MAST4: variants seen among roughly 807,000 people sequenced by gnomAD.
The protein encoded by MAST4 is microtubule-associated serine/threonine-protein kinase 4.
MAST4 carries 89 observed loss-of-function variants against 162.7 expected under a neutral mutation model. The ratio of observed to expected loss-of-function variants is 0.55; its 90% confidence interval spans 0.46 to 0.65. The LOEUF is 0.65. MAST4 is among the 30% of genes least tolerant of loss of function. The pLI is 0.00. For missense variants in MAST4, 3,153 were observed against 3,374.0 expected (o/e 0.93, Z 1.62); for synonymous variants, 1,479 against 1,361.1 (o/e 1.09, Z -1.91).
At chr5:66,614,738 C>T (rs946834683) in intron 1 of MAST4, among the ~76,000 whole-genome samples, 1 of 152,174 alleles carries the variant, frequency 6.6e-6, no homozygotes, top group African/African-American at 2.4e-5. Context: ...TCCTACACCT[C>T]CCAACGTGAT....
At chr5:66,891,080 G>A (rs1392267174) in intron 3 of MAST4, among the ~76,000 whole-genome samples, 3 of 152,136 alleles carry the variant, frequency 2.0e-5, no homozygotes, top group Non-Finnish European at 4.4e-5. Context: ...TTTACAGTTT[G>A]TCTCATATTC....
intron 3 of MAST4, among the ~76,000 whole-genome samples, chr5:66,811,505 G>A (rs1756478281): frequency 6.6e-6 from 1 of 152,130 alleles, no homozygotes; most frequent in African/African-American, 2.4e-5. Context: ...CCCCTTCTTT[G>A]CCACTTTTCT....
At chr5:67,042,886 T>G (rs1415140354) in intron 4 of MAST4, among the ~76,000 whole-genome samples, 1 of 152,218 alleles carries the variant, frequency 6.6e-6, no homozygotes, top group African/African-American at 2.4e-5. Context: ...TTTCTTATAT[T>G]TGTATGTTTG....
chr5:67,082,125 C>A (rs945369173), intron 5 of MAST4, among the ~76,000 whole-genome samples: 1 of 150,596 alleles, frequency 6.6e-6, no homozygotes, highest in African/African-American at 2.4e-5. Context: ...GAGGGACATT[C>A]TGCAAAACAA....
At position 66,831,537 on chromosome 5, in the gene MAST4, C is replaced by A. The variant is rs149072864; in HGVS notation, c.642+42743C>A. On this transcript the variant is annotated intron_variant, in intron 3 of 28. Coordinates refer to ENST00000403625, the MANE Select transcript of MAST4 (RefSeq NM_001164664.2). ...TTCAGTACCTCTAGTTTTTAAAACACGAGACTATTAGTGGTGTTTTTAAAA... is the reference window on the plus strand; with the variant it reads ...TTCAGTACCTCTAGTTTTTAAAACAAGAGACTATTAGTGGTGTTTTTAAAA... Among the ~76,000 whole-genome samples, 23 of 152,196 alleles carry A rather than the reference C, an allele frequency of 1.5e-4. No homozygotes were observed. The East Asian group carries it at 4.2e-3, about 28-fold the overall frequency.
At chr5:67,024,405 CACAT>C (rs1377935314) in intron 4 of MAST4, among the ~76,000 whole-genome samples, 20 of 150,358 alleles carry the variant, frequency 1.3e-4, no homozygotes, top group Non-Finnish European at 2.8e-4. Context: ...TATATGTATA[CACAT>C]ACATAATCGT....
intron 17 of MAST4, among the ~76,000 whole-genome samples, chr5:67,133,963 A>G (rs141692314): frequency 6.6e-6 from 1 of 152,184 alleles, no homozygotes; most frequent in Non-Finnish European, 1.5e-5. Context: ...TCAGTAGAGT[A>G]CTTGTGAAAC....
intron 23 of MAST4, among the ~76,000 whole-genome samples, chr5:67,149,149 G>A (rs1329231619): frequency 6.6e-6 from 1 of 152,148 alleles, no homozygotes; most frequent in Non-Finnish European, 1.5e-5. Flanking sequence ...AGAATTAGCA[G>A]ACTTGTGTAC....
At chr5:66,861,660 A>T (rs1760127118) in intron 3 of MAST4, among the ~76,000 whole-genome samples, 1 of 152,256 alleles carries the variant, frequency 6.6e-6, no homozygotes. Flanking sequence ...GTTAAAGAGT[A>T]CAGAATGACA....
chr5:67,139,586 C>T (rs1214050994), intron 19 of MAST4, among the ~76,000 whole-genome samples: 1 of 152,158 alleles, frequency 6.6e-6, no homozygotes, highest in Admixed American at 6.5e-5. Flanking sequence ...ATATACTTCA[C>T]AGGATTATTG....
At chr5:67,122,549 C>T (rs1767711166) in intron 14 of MAST4, among the ~76,000 whole-genome samples, 1 of 152,044 alleles carries the variant, frequency 6.6e-6, no homozygotes, top group African/African-American at 2.4e-5. Context: ...ACTTGCTTAT[C>T]GTTTGTTTTT....
At chr5:66,934,849 T>G (rs1190867236) in intron 4 of MAST4, among the ~76,000 whole-genome samples, 2 of 152,272 alleles carry the variant, frequency 1.3e-5, no homozygotes, top group East Asian at 3.9e-4. Context: ...AGTAAAAAGG[T>G]CTCTGCCGTC....
intron 3 of MAST4, among the ~76,000 whole-genome samples, chr5:66,891,937 G>A (rs1158584445): frequency 6.6e-6 from 1 of 152,170 alleles, no homozygotes; most frequent in Admixed American, 6.5e-5. Context: ...CAAGACCCAG[G>A]TTCTACCAGG....
Position 67,134,523 on chromosome 5 carries a change from G to A in MAST4, c.2227G>A (p.Val743Ile). Residue 743 changes from valine (V) to isoleucine (I), a missense_variant and splice_region_variant, in exon 18 of 29, where the codon GTC becomes ATC. Coordinates refer to ENST00000403625, the MANE Select transcript of MAST4 (RefSeq NM_001164664.2). ...KDAREFLDKQVCGTPEYIAPE... is the reference protein window; with the variant it reads ...KDAREFLDKQICGTPEYIAPE... ...TTCTAATATTGCAATTATCTTTTAGGTCTGTGGCACACCTGAATACATTGC... is the reference window on the plus strand; with the variant it reads ...TTCTAATATTGCAATTATCTTTTAGATCTGTGGCACACCTGAATACATTGC... 1 of 1,610,334 alleles carries A rather than the reference G, an allele frequency of 6.2e-7. No homozygotes were observed. The highest frequency in any genetic ancestry group is 1.1e-5 in the South Asian group (1 of 90,336).
At chr5:66,675,233 C>T (rs1418144483) in intron 1 of MAST4, among the ~76,000 whole-genome samples, 1 of 152,150 alleles carries the variant, frequency 6.6e-6, no homozygotes, top group Non-Finnish European at 1.5e-5. Context: ...TTTTACCTTC[C>T]TTAGTAGAAG....
chr5:66,710,899 A>G (rs1047978877), intron 1 of MAST4, among the ~76,000 whole-genome samples: 1 of 152,228 alleles, frequency 6.6e-6, no homozygotes, highest in Non-Finnish European at 1.5e-5. Flanking sequence ...TATGCACATT[A>G]TGTGTGTAAA....
At position 67,165,643 on chromosome 5, in the gene MAST4, C is replaced by T; in HGVS notation, c.6464C>T (p.Pro2155Leu). 1 of 1,609,132 alleles carries T rather than the reference C, an allele frequency of 6.2e-7. No homozygotes were observed. Among genetic ancestry groups the T allele is most frequent in the South Asian group, 1.1e-5 (1 of 90,168 alleles). The change falls in exon 29 of 29, where the codon CCA (proline) becomes CTA (leucine). Residue 2155 changes from proline to leucine, a missense_variant. Physicochemically the swap from Pro to Leu is moderately conservative, Grantham distance 98. This residue lies in a region of MAST4 where 1,644 missense variants were observed against 1,495.0 expected (regional missense o/e 1.10). Transcript: ENST00000403625. The part of the protein sequence containing the change: ...SPAARQHCSS[P>L]SHASGREPGA... ...GCTGCCAGGCAGCATTGCAGTTCCC[C>T]AAGCCACGCTTCTGGCAGAGAGCCG...
intron 4 of MAST4, among the ~76,000 whole-genome samples, chr5:66,997,562 G>T (rs889151142): frequency 2.0e-5 from 3 of 151,258 alleles, no homozygotes; most frequent in African/African-American, 7.3e-5. Flanking sequence ...CTCCCAACTA[G>T]CTGGGATTAC....
chr5:66,755,044 T>A (rs1016466313), intron 1 of MAST4, among the ~76,000 whole-genome samples: 1 of 152,108 alleles, frequency 6.6e-6, no homozygotes, highest in Admixed American at 6.5e-5. Context: ...AGCTGTGGAA[T>A]TGGAGCATCT....
Sources: allele counts gnomAD v4.1 joint callset (sites outside exome capture counted in the v4.1 genomes callset), GRCh38; gene constraint gnomAD v4.1.1; regional missense constraint gnomAD v4.1.1; transcripts MANE v1.5; gene names NCBI Gene and HGNC (gene_info 2026-07-23, HGNC 2026-07-21).